Variants in KCNMA1 observed in about 807,000 individuals in gnomAD.
KCNMA1 encodes potassium calcium-activated channel subfamily M alpha 1.
Under a neutral mutation model 140.0 loss-of-function variants are expected in KCNMA1, and 29 were observed. The observed-to-expected ratio is 0.21, with a 90% confidence interval of 0.15 to 0.28. The LOEUF (loss-of-function observed/expected upper bound fraction) is 0.28. Among genes scored for constraint, KCNMA1 ranks in the 10% least tolerant of loss-of-function variants. KCNMA1 has a pLI of 1.00. For synonymous variants in KCNMA1, 612 were observed against 611.9 expected (o/e 1.00, Z 0.00); for missense variants, 880 against 1,602.2 (o/e 0.55, Z 7.70).
intron 13 of KCNMA1, 114 bp downstream of exon 13, chr10:77,079,367 A>AGTGTGTGTGT: frequency 2.6e-6 from 1 of 379,350 alleles, no homozygotes; most frequent in Non-Finnish European, 4.9e-6. Flanking sequence ...TGGGCATGTG[A>AGTGTGTGTGT]GAGTGTGTGT....
At chr10:77,101,188 C>T (rs2097090099) in intron 9 of KCNMA1, among the ~76,000 whole-genome samples, 1 of 152,142 alleles carries the variant, frequency 6.6e-6, no homozygotes, top group Non-Finnish European at 1.5e-5. Flanking sequence ...CAAGACCCCT[C>T]TCATCAGGAA....
At chr10:77,413,335 C>T (rs2096662487) in intron 1 of KCNMA1, among the ~76,000 whole-genome samples, 1 of 152,002 alleles carries the variant, frequency 6.6e-6, no homozygotes, top group African/African-American at 2.4e-5. Context: ...TCACCAGCCC[C>T]GAATGCTGGG....
intron 20 of KCNMA1, among the ~76,000 whole-genome samples, chr10:76,969,510 G>A (rs1460678301): frequency 6.6e-6 from 1 of 152,188 alleles, no homozygotes; most frequent in African/African-American, 2.4e-5. Context: ...ATAAAAGGAA[G>A]GTAATCTTCA....
chr10:77,554,180 C>T (rs907554182), intron 1 of KCNMA1, among the ~76,000 whole-genome samples: 5 of 152,094 alleles, frequency 3.3e-5, no homozygotes, highest in African/African-American at 7.2e-5. Context: ...CTGTGTCTTT[C>T]GCCTGCTGAA....
At chr10:77,431,681 T>TAAAAAA (rs71028276) in intron 1 of KCNMA1, among the ~76,000 whole-genome samples, 14 of 75,452 alleles carry the variant, frequency 1.9e-4, no homozygotes, top group East Asian at 8.1e-4. Context: ...TGGTCTGTTG[T>TAAAAAA]AAAAAAAAAA....
intron 2 of KCNMA1, among the ~76,000 whole-genome samples, chr10:77,390,139 G>A (rs1399558451): frequency 1.3e-5 from 2 of 152,158 alleles, no homozygotes; most frequent in South Asian, 2.1e-4. Context: ...GCAAGGGAAC[G>A]AACTACTGAA....
intron 2 of KCNMA1, among the ~76,000 whole-genome samples, chr10:77,339,458 C>A (rs775616618): frequency 1.3e-5 from 2 of 152,124 alleles, no homozygotes; most frequent in Non-Finnish European, 2.9e-5. Context: ...CCAGACATAG[C>A]AGATGTGACT....
chr10:76,968,281 A>G (rs2074743807), intron 20 of KCNMA1, among the ~76,000 whole-genome samples: 1 of 152,158 alleles, frequency 6.6e-6, no homozygotes, highest in East Asian at 1.9e-4. Flanking sequence ...CATACAGAAG[A>G]CCTGTCATCT....
intron 14 of KCNMA1, among the ~76,000 whole-genome samples, chr10:77,056,579 A>C (rs1422940769): frequency 6.6e-6 from 1 of 150,818 alleles, no homozygotes; most frequent in Non-Finnish European, 1.5e-5. Context: ...ACTTGCATGG[A>C]AAAAGACAAT....
chr10:77,190,815 T>C (rs1394461165), intron 3 of KCNMA1, among the ~76,000 whole-genome samples: 1 of 152,128 alleles, frequency 6.6e-6, no homozygotes, highest in African/African-American at 2.4e-5. Flanking sequence ...GGGGAAGTTC[T>C]TCTGCTTATA....
At chr10:76,950,398 A>G (rs894196600) in intron 21 of KCNMA1, among the ~76,000 whole-genome samples, 4 of 152,200 alleles carry the variant, frequency 2.6e-5, no homozygotes, top group African/African-American at 7.2e-5. Context: ...TCTACAAAGG[A>G]GACAAATGAA....
intron 14 of KCNMA1, among the ~76,000 whole-genome samples, chr10:77,042,186 G>A (rs775773850): frequency 2.0e-5 from 3 of 151,872 alleles, no homozygotes; most frequent in Non-Finnish European, 2.9e-5. Flanking sequence ...AAAAAAAAAA[G>A]TCACTCAACC....
intron 23 of KCNMA1, among the ~76,000 whole-genome samples, chr10:76,916,547 T>C (rs796082610): frequency 2.1e-4 from 32 of 152,352 alleles, no homozygotes; most frequent in African/African-American, 7.2e-4. Flanking sequence ...ATTTAGATGA[T>C]AGGCAAGCAT....
At chr10:77,071,777 A>C (rs2096223004) in intron 14 of KCNMA1, 1 of 152,228 alleles carries the variant, frequency 6.6e-6, no homozygotes, top group Admixed American at 6.5e-5. Flanking sequence ...CAGTGTTGCT[A>C]AAGTGATTGA....
chr10:77,446,713 G>A (rs1248855149), intron 1 of KCNMA1, among the ~76,000 whole-genome samples: 2 of 152,234 alleles, frequency 1.3e-5, no homozygotes, highest in African/African-American at 4.8e-5. Flanking sequence ...AGAGTGGGCA[G>A]GAAAGACAGG....
At chr10:77,636,765 G>T (rs1454199799) in intron 1 of KCNMA1, 2 of 1,461,846 alleles carry the variant, frequency 1.4e-6, no homozygotes, top group African/African-American at 2.8e-5. Flanking sequence ...TTGCCCAAAG[G>T]ATTTTTCCCT....
At chr10:77,162,298 G>A (rs1404321692) in intron 5 of KCNMA1, among the ~76,000 whole-genome samples, 1 of 152,182 alleles carries the variant, frequency 6.6e-6, no homozygotes, top group Admixed American at 6.5e-5. Context: ...GTTTAAGGCC[G>A]TTTGCCTTGG....
intron 9 of KCNMA1, chr10:77,090,750 C>A: frequency 1.7e-6 from 1 of 571,496 alleles, no homozygotes; most frequent in Non-Finnish European, 3.1e-6. Flanking sequence ...TGCACAAAAT[C>A]CTATTAAAAG....
downstream of KCNMA1, among the ~76,000 whole-genome samples, chr10:76,881,691 G>A (rs1007438101): frequency 2.0e-5 from 3 of 152,156 alleles, no homozygotes; most frequent in African/African-American, 4.8e-5. Flanking sequence ...AGCATGGGTC[G>A]TACCTCTTGA....
Sources: gnomAD v4.1 joint callset for allele counts (sites outside exome capture counted in the v4.1 genomes callset) on GRCh38, gnomAD v4.1.1 for gene constraint, MANE v1.5 for transcripts, NCBI Gene and HGNC (gene_info 2026-07-23, HGNC 2026-07-21) for gene names.